Variants in MANEA observed in about 807,000 individuals in gnomAD.
MANEA encodes glycoprotein endo-alpha-1,2-mannosidase.
Under a neutral mutation model 36.8 loss-of-function variants are expected in MANEA, and 25 were observed. The ratio of observed to expected loss-of-function variants is 0.68; its 90% CI spans 0.50 to 0.95. The LOEUF is 0.95. Among genes scored for constraint, MANEA ranks in the 40% least tolerant of loss-of-function variants. The pLI is 0.00. For synonymous variants in MANEA, 198 were observed against 188.5 expected (o/e 1.05, Z -0.41); for missense variants, 565 against 558.8 (o/e 1.01, Z -0.11).
chr6:95,594,376 T>G (rs997598702), intron 2 of MANEA, among the ~76,000 whole-genome samples: 2 of 152,168 alleles, frequency 1.3e-5, no homozygotes, highest in Non-Finnish European at 2.9e-5. Flanking sequence ...CATATTCTAC[T>G]ATACTGCCCT....
intron 4 of MANEA, among the ~76,000 whole-genome samples, chr6:95,605,440 C>G (rs1769685299): frequency 6.6e-6 from 1 of 151,970 alleles, no homozygotes; most frequent in Non-Finnish European, 1.5e-5. Context: ...GATAAAAAAG[C>G]AGTTTAGGTA....
intron 1 of MANEA, among the ~76,000 whole-genome samples, chr6:95,578,277 C>T (rs1769109899): frequency 6.6e-6 from 1 of 152,038 alleles, no homozygotes; most frequent in Admixed American, 6.5e-5. Context: ...TTTTGTTGTT[C>T]CTTTTTCCAA....
chr6:95,581,754 G>C (rs576145169), intron 1 of MANEA, among the ~76,000 whole-genome samples: 2 of 152,076 alleles, frequency 1.3e-5, no homozygotes, highest in Admixed American at 1.3e-4. Context: ...TGAAGTCAAC[G>C]TTTCAAAAAT....
chr6:95,605,660 T>C (rs992672371), intron 4 of MANEA, 88 bp from the exon 5 acceptor site: 10 of 902,060 alleles, frequency 1.1e-5, no homozygotes, highest in Non-Finnish European at 1.8e-5. Context: ...CAAACTGCAC[T>C]GACTCCTTCA....
intron 1 of MANEA, among the ~76,000 whole-genome samples, chr6:95,586,153 TA>T (rs374626463): frequency 1.3e-5 from 2 of 152,246 alleles, no homozygotes; most frequent in Admixed American, 1.3e-4. Flanking sequence ...TGACTAAACG[TA>T]ATTGGCATGT....
chr6:95,599,202 T>A (rs539446696), intron 3 of MANEA, among the ~76,000 whole-genome samples: 6 of 152,282 alleles, frequency 3.9e-5, no homozygotes, highest in Non-Finnish European at 7.4e-5. Flanking sequence ...GTTAATGAAG[T>A]CCTTAGTAAC....
chr6:95,599,867 A>G lies in MANEA; in HGVS notation c.654+3021A>G, dbSNP rs1028538035. On this transcript the variant is annotated intron_variant, in intron 3 of 4. Transcript: ENST00000358812. Reference sequence around the variant, plus strand: ...CCTGCCATGTCCCTTGGTGCCTTTCAGTGAGTTCTTATTGGCATTTGAAAT... The same window carrying G: ...CCTGCCATGTCCCTTGGTGCCTTTCGGTGAGTTCTTATTGGCATTTGAAAT... Among the ~76,000 whole-genome samples the G allele has an allele frequency of 2.6e-5, 4 of 152,156 alleles. No homozygotes were observed. The East Asian group carries it at 7.7e-4, about 29-fold the overall frequency.
rs200231773 is a variant in MANEA at position 95,586,418 on chromosome 6, T to G, written c.-22T>G. The G allele has an allele frequency of 6.3e-7, 1 of 1,575,994 alleles. No individual in the cohort carries two copies. Among genetic ancestry groups the G allele is most frequent in the Non-Finnish European group, 8.6e-7 (1 of 1,159,258 alleles). On this transcript the variant is annotated 5_prime_UTR_variant, in exon 2 of 5. Coordinates refer to ENST00000358812, the MANE Select transcript of MANEA (RefSeq NM_024641.4). ...AAATTGCAGCAAAACACTTACTATT[T>G]TGGAGTTTAAAGTATGTCATCATGG...
intron 1 of MANEA, among the ~76,000 whole-genome samples, chr6:95,583,609 G>A (rs545133841): frequency 3.2e-4 from 48 of 152,070 alleles, no homozygotes; most frequent in African/African-American, 8.7e-4. Context: ...GCTTGTGTGC[G>A]GTGGGAAAAC....
intron 2 of MANEA, among the ~76,000 whole-genome samples, chr6:95,592,198 A>T (rs954981366): frequency 2.0e-5 from 3 of 152,170 alleles, no homozygotes; most frequent in African/African-American, 7.2e-5. Context: ...CAGCTCTGTT[A>T]ATGAGCCTAT....
chr6:95,601,560 C>A (rs1769589758), intron 3 of MANEA, among the ~76,000 whole-genome samples: 1 of 151,980 alleles, frequency 6.6e-6, no homozygotes, highest in African/African-American at 2.4e-5. Flanking sequence ...TGGAGCAGAA[C>A]CATCATAAGC....
chr6:95,586,727 A>G lies in MANEA; in HGVS notation c.288A>G (p.Leu96=), dbSNP rs1362855158. Residue 96 remains leucine, a synonymous_variant, in exon 2 of 5, where the codon CTA becomes CTG. Transcript: ENST00000358812. The stretch of plus-strand genomic sequence containing the variant: ...CCTCTGAACTTAACTTGGATGAACT[A>G]CCACCTCTGAACAATTATCTACATG... ...SKASELNLDE[L]PPLNNYLHVF... 4.3e-6 allele frequency: 7 copies of G among 1,613,928 alleles called. No individual in the cohort carries two copies. The highest frequency in any genetic ancestry group is 5.9e-6 in the Non-Finnish European group (7 of 1,179,882).
rs559087912 is a variant in MANEA, at chr6:95,591,455, T to TA, written c.544+4479dup. ...TTCTGATGAGTAGTCTGCCGTAATT[T>TA]AAAAAAATCTTTTTATATCCTCATT... On this transcript the variant is annotated intron_variant, in intron 2 of 4. Transcript: ENST00000358812. 1.4e-4 allele frequency among the ~76,000 whole-genome samples: 22 copies of TA among 152,188 alleles called. No homozygotes were observed. In the East Asian group the frequency reaches 3.5e-3, roughly 24 times the overall value.
At chr6:95,582,310 A>G (rs1469406657) in intron 1 of MANEA, among the ~76,000 whole-genome samples, 1 of 150,500 alleles carries the variant, frequency 6.6e-6, no homozygotes, top group African/African-American at 2.4e-5. Context: ...CAGCCTCCCG[A>G]GTAGCTGGGA....
chr6:95,596,703 G>A (rs1446978728), intron 2 of MANEA, 34 bp from the exon 3 acceptor site: 1 of 1,130,220 alleles, frequency 8.8e-7, no homozygotes, highest in Non-Finnish European at 1.3e-6. Flanking sequence ...TCATGTTCTT[G>A]TCTTTTCCCT....
At position 95,606,037 on chromosome 6, in the gene MANEA, C is replaced by T. The variant is rs1272025561; in HGVS notation, c.1021C>T (p.Leu341=). 5.0e-6 allele frequency: 8 copies of T among 1,613,850 alleles called. No individual in the cohort carries two copies. Among genetic ancestry groups the T allele is most frequent in the Non-Finnish European group, 6.8e-6 (8 of 1,179,964 alleles). Reference sequence around the variant, plus strand: ...CTCATCACATCAGAATTGGGCTAGCCTAAAATTATTTTGTGATAAATACAA... The same window carrying T: ...CTCATCACATCAGAATTGGGCTAGCTTAAAATTATTTTGTGATAAATACAA... ...YGSSHQNWAS[L]KLFCDKYNLI... is the part of the protein sequence containing the mutation. The change falls in exon 5 of 5, where the codon CTA becomes TTA. Residue 341 remains leucine, a synonymous_variant. Coordinates refer to ENST00000358812, the MANE Select transcript of MANEA (RefSeq NM_024641.4).
intron 1 of MANEA, among the ~76,000 whole-genome samples, chr6:95,579,999 G>A (rs950057819): frequency 9.9e-5 from 15 of 152,128 alleles, no homozygotes; most frequent in African/African-American, 3.6e-4. Flanking sequence ...TTTTATTGAA[G>A]CTAAATTAGT....
At chr6:95,596,236 T>C (rs1000845876) in intron 2 of MANEA, among the ~76,000 whole-genome samples, 1 of 152,082 alleles carries the variant, frequency 6.6e-6, no homozygotes, top group African/African-American at 2.4e-5. Flanking sequence ...ATAGAGCTGG[T>C]AAAACTAGTT....
At chr6:95,595,068 G>T in intron 2 of MANEA, among the ~76,000 whole-genome samples, 1 of 152,124 alleles carries the variant, frequency 6.6e-6, no homozygotes, top group East Asian at 1.9e-4. Flanking sequence ...ATCTTGTTTT[G>T]TTTTTACTTT....
Sources: gnomAD v4.1 joint callset for allele counts (sites outside exome capture counted in the v4.1 genomes callset) on GRCh38, gnomAD v4.1.1 for gene constraint, MANE v1.5 for transcripts, NCBI Gene and HGNC (gene_info 2026-07-23, HGNC 2026-07-21) for gene names.